MPRIP: variants seen among roughly 807,000 people sequenced by gnomAD.
The protein encoded by MPRIP is myosin phosphatase Rho interacting protein.
Under a neutral mutation model 234.9 loss-of-function variants are expected in MPRIP, and 59 were observed. That is an observed-to-expected ratio of 0.25 (90% confidence interval 0.20 to 0.31). MPRIP has a LOEUF of 0.31. Among genes scored for constraint, MPRIP ranks in the 10% least tolerant of loss-of-function variants. MPRIP has a pLI of 1.00. For missense variants in MPRIP, 2,436 were observed against 3,071.0 expected (o/e 0.79, Z 4.89); for synonymous variants, 1,144 against 1,263.9 (o/e 0.91, Z 2.01).
chr17:17,146,358 G>A (rs1016916538), intron 10 of MPRIP, among the ~76,000 whole-genome samples: 1 of 152,230 alleles, frequency 6.6e-6, no homozygotes, highest in Admixed American at 6.5e-5. Flanking sequence ...CCCGGCCTTA[G>A]GGATGCCTTG....
At chr17:17,088,046 A>G (rs931102821) in intron 3 of MPRIP, among the ~76,000 whole-genome samples, 3 of 152,200 alleles carry the variant, frequency 2.0e-5, no homozygotes, top group African/African-American at 7.2e-5. Flanking sequence ...GCCTGAGTGG[A>G]GTGACTGCTG....
chr17:17,084,985 C>T (rs922930080), intron 3 of MPRIP, among the ~76,000 whole-genome samples: 6 of 152,196 alleles, frequency 3.9e-5, no homozygotes, highest in Admixed American at 3.3e-4. Context: ...AGGGGCAAGA[C>T]AGGGAACCGG....
intron 3 of MPRIP, among the ~76,000 whole-genome samples, chr17:17,105,453 C>T (rs2090045182): frequency 6.6e-6 from 1 of 152,214 alleles, no homozygotes. Flanking sequence ...CCCCGTGCTC[C>T]TCTTGACTGG....
At chr17:17,148,839 G>C (rs1163332321) in intron 11 of MPRIP, among the ~76,000 whole-genome samples, 1 of 152,214 alleles carries the variant, frequency 6.6e-6, no homozygotes, top group Non-Finnish European at 1.5e-5. Context: ...GAAAACAACT[G>C]ACAGAATTTG....
intron 1 of MPRIP, among the ~76,000 whole-genome samples, chr17:17,064,489 G>A (rs1207801450): frequency 2.6e-5 from 4 of 152,078 alleles, no homozygotes; most frequent in Non-Finnish European, 2.9e-5. Flanking sequence ...ACTGTGGTAC[G>A]GCACCACGGC....
intron 8 of MPRIP, 71 bp downstream of exon 8, chr17:17,142,836 A>G: frequency 1.3e-6 from 2 of 1,541,028 alleles, no homozygotes; most frequent in Non-Finnish European, 1.8e-6. Context: ...CCATGCGCCA[A>G]GTCCCCTCCA....
intron 3 of MPRIP, among the ~76,000 whole-genome samples, chr17:17,116,938 G>A (rs1032176341): frequency 3.3e-5 from 5 of 152,134 alleles, no homozygotes; most frequent in South Asian, 2.1e-4. Flanking sequence ...TTGACCCTTC[G>A]GCTTGGTCCA....
chr17:17,141,570 A>G lies in MPRIP; in HGVS notation c.1251-1057A>G, dbSNP rs556236271. 4.3e-3 allele frequency: 653 copies of G among 152,708 alleles called. 3 individuals carry two copies. The highest frequency in any genetic ancestry group is 0.014 in the Middle Eastern group (4 of 296). The allele number at this position is 152,708 out of a possible 1,614,324, so 9.5% of individuals were successfully genotyped here. ...CTCTCTCCGGGGGTGAAGACGCCTTAGGCAGCCAGTTTTCCCTCGCACTCC... is the reference window on the plus strand; with the variant it reads ...CTCTCTCCGGGGGTGAAGACGCCTTGGGCAGCCAGTTTTCCCTCGCACTCC... On this transcript the variant is annotated intron_variant, in intron 7 of 23. Transcript: ENST00000651222.
At chr17:17,160,012 A>G (rs1396911748) in intron 14 of MPRIP, among the ~76,000 whole-genome samples, 1 of 152,230 alleles carries the variant, frequency 6.6e-6, no homozygotes, top group African/African-American at 2.4e-5. Flanking sequence ...GGCTACCAAA[A>G]TGGGCCAGCC....
chr17:17,063,539 A>T (rs2088929003), intron 1 of MPRIP, among the ~76,000 whole-genome samples: 1 of 152,004 alleles, frequency 6.6e-6, no homozygotes, highest in South Asian at 2.1e-4. Context: ...GGGTGGCAGG[A>T]TGTGATGGGG....
intron 1 of MPRIP, among the ~76,000 whole-genome samples, chr17:17,046,047 C>T (rs550976702): frequency 3.3e-5 from 5 of 152,260 alleles, no homozygotes; most frequent in Admixed American, 6.5e-5. Flanking sequence ...CCTCGTGATC[C>T]GCCTGCCTCG....
intron 2 of MPRIP, 50 bp from the exon 3 acceptor site, chr17:17,077,961 G>A (rs753444039): frequency 1.9e-6 from 3 of 1,597,098 alleles, no homozygotes; most frequent in Admixed American, 3.3e-5. Context: ...GCCAAGCTCT[G>A]GGGCCAGGAC....
At chr17:17,073,600 T>C (rs531585388) in intron 1 of MPRIP, among the ~76,000 whole-genome samples, 1 of 152,282 alleles carries the variant, frequency 6.6e-6, no homozygotes, top group East Asian at 1.9e-4. Flanking sequence ...TGGGCACTTG[T>C]GGCCGGTGAG....
chr17:17,179,448 C>CA (rs55651414), intron 22 of MPRIP: 13,955 of 72,558 alleles, frequency 0.19, 851 homozygotes, highest in Middle Eastern at 0.39. Flanking sequence ...GACTCCATCT[C>CA]AAAAAAAAAA....
intron 1 of MPRIP, among the ~76,000 whole-genome samples, chr17:17,068,758 T>C (rs879699912): frequency 1.1e-4 from 16 of 152,344 alleles, no homozygotes; most frequent in African/African-American, 3.6e-4. Flanking sequence ...CTCAAACTCC[T>C]GACCTTGTGA....
In MPRIP at chr17:17,146,338, C is replaced by A. The variant is rs192391719; in HGVS notation, c.1560+246C>A. 1.7e-3 allele frequency among the ~76,000 whole-genome samples: 257 copies of A among 152,312 alleles called. 1 individual carries two copies. The highest frequency in any genetic ancestry group is 3.4e-3 in the Middle Eastern group (1 of 294). ...GGTAGGCCTGTCTGCTGATGGCAAG[C>A]GGGTGTTGGCCCGGCCTTAGGGATG... On this transcript the variant is annotated intron_variant, in intron 10 of 23. Transcript: ENST00000651222.
chr17:17,140,440 C>A (rs1213616225), intron 7 of MPRIP, among the ~76,000 whole-genome samples: 2 of 152,226 alleles, frequency 1.3e-5, no homozygotes, highest in African/African-American at 4.8e-5. Flanking sequence ...TCTCCTGACC[C>A]TGGTGACATC....
At chr17:17,147,529 G>A in intron 11 of MPRIP, 142 bp downstream of exon 11, 1 of 760,432 alleles carries the variant, frequency 1.3e-6, no homozygotes, top group South Asian at 1.6e-5. Context: ...CTTGCCGAAG[G>A]TATGTCCATG....
intron 10 of MPRIP, among the ~76,000 whole-genome samples, chr17:17,146,641 C>T (rs990382506): frequency 6.6e-6 from 1 of 152,200 alleles, no homozygotes; most frequent in African/African-American, 2.4e-5. Context: ...CCCACCTTGA[C>T]CCTGTGCCAT....
Sources: allele counts gnomAD v4.1 joint callset (sites outside exome capture counted in the v4.1 genomes callset), GRCh38; gene constraint gnomAD v4.1.1; transcripts MANE v1.5; gene names NCBI Gene and HGNC (gene_info 2026-07-23, HGNC 2026-07-21).